Variants in KLK14 observed in about 807,000 individuals in gnomAD.
KLK14 encodes kallikrein-14.
KLK14 carries 21 observed loss-of-function variants against 24.6 expected under a neutral mutation model. The observed-to-expected ratio is 0.85, with a 90% CI of 0.61 to 1.23. The LOEUF is 1.23. KLK14 is among the 50% of genes most tolerant of loss of function. The pLI, the probability that KLK14 is intolerant of heterozygous loss-of-function variation, is 0.00. For missense variants in KLK14, 320 were observed against 338.9 expected (o/e 0.94, Z 0.44); for synonymous variants, 133 against 139.7 (o/e 0.95, Z 0.34).
chr19:51,082,398 C>T (rs948533079), intron 2 of KLK14, among the ~76,000 whole-genome samples, 177 bp downstream of exon 2: 1 of 152,110 alleles, frequency 6.6e-6, no homozygotes. Flanking sequence ...AATTCCCTAG[C>T]ACCTCCACAA....
Position 51,081,594 on chromosome 19 carries a change from G to C in KLK14, c.150C>G (p.Phe50Leu). Residue 50 changes from phenylalanine to leucine, a missense_variant, in exon 3 of 6, where the codon TTC (phenylalanine) becomes TTG (leucine). Transcript: ENST00000650543. Reference sequence around the variant, plus strand: ...CTGAAAGCAGGGCGCCTCCGCAGAGGAAGCGGCGCCTGGGACCCGCCAGCA... The same window carrying C: ...CTGAAAGCAGGGCGCCTCCGCAGAGCAAGCGGCGCCTGGGACCCGCCAGCA... ...AALLAGPRRR[F>L]LCGGALLSGQ... 1 of 1,550,322 alleles carries C rather than the reference G, an allele frequency of 6.5e-7. No individual in the cohort carries two copies. The highest frequency in any genetic ancestry group is 8.7e-7 in the Non-Finnish European group (1 of 1,146,210).
Position 51,081,920 on chromosome 19 carries a change from C to T in KLK14, c.41-217G>A, listed in dbSNP as rs144317248. On this transcript the variant is annotated intron_variant, in intron 2 of 5. Coordinates refer to ENST00000650543, the MANE Select transcript of KLK14 (RefSeq NM_001369775.2). ...TCTGACTCACCTCCCAAGTCACCTC[C>T]GTAGCATCTCTTATTTTGTGCCGTG... is the stretch of plus-strand genomic sequence containing the variant. Among the ~76,000 whole-genome samples the T allele has an allele frequency of 2.7e-3, 417 of 152,246 alleles. 4 individuals are homozygous for T. The highest frequency in any genetic ancestry group is 1.7e-3 in the East Asian group (9 of 5,178).
rs370532692 is a variant in KLK14, at chr19:51,081,633, C to G, written c.111G>C (p.Pro37=). Residue 37 remains proline (P), a synonymous_variant, in exon 3 of 6, where the codon CCG becomes CCC. Transcript: ENST00000650543. ...GGHTCTRSSQ[P]WQAALLAGPR... Reference sequence around the variant, plus strand: ...GACCCGCCAGCAGGGCCGCCTGCCACGGCTGGGAGCTCCGGGTGCACGTAT... The same window carrying G: ...GACCCGCCAGCAGGGCCGCCTGCCAGGGCTGGGAGCTCCGGGTGCACGTAT... The G allele has an allele frequency of 6.4e-7, 1 of 1,551,862 alleles. No homozygotes were observed. The highest frequency in any genetic ancestry group is 8.7e-7 in the Non-Finnish European group (1 of 1,147,100).
intron 1 of KLK14, 33 bp from the exon 2 acceptor site, chr19:51,082,669 G>A: frequency 1.2e-6 from 2 of 1,614,134 alleles, no homozygotes; most frequent in Non-Finnish European, 8.5e-7. Flanking sequence ...GAGAGAGAAG[G>A]AACCTTCAAC....
rs908753436 is a variant in KLK14, at chr19:51,081,681, A to T, written c.63T>A (p.Asp21Glu). The change falls in exon 3 of 6, where the codon GAT (aspartate) becomes GAA (glutamate). Residue 21 changes from aspartate (D) to glutamate (E), a missense_variant. Transcript: ENST00000650543. ...TATGGCCACCAATTATCTTGTTCTC[A>T]TCCTCTTGGCTCTGTGTCATGGCTA... is the stretch of plus-strand genomic sequence containing the variant. ...LAIAMTQSQE[D>E]ENKIIGGHTC... is the part of the protein sequence containing the mutation. 8.4e-6 allele frequency: 13 copies of T among 1,545,942 alleles called. No homozygotes were observed. The highest frequency in any genetic ancestry group is 8.2e-5 in the African/African-American group (6 of 73,028).
In KLK14 at chr19:51,079,399, C is replaced by A. The variant is rs768082967; in HGVS notation, c.466+50G>T. On this transcript the variant is annotated intron_variant, in intron 4 of 5. Transcript: ENST00000650543. The stretch of plus-strand genomic sequence containing the variant: ...CCCCCCAGCTCCACCTCCTGGAGAC[C>A]CAGGAGCCCAGGCCCAGTCCCCTGC... The A allele has an allele frequency of 1.2e-5, 19 of 1,530,856 alleles. No individual in the cohort carries two copies. The South Asian group carries it at 1.6e-4, about 13-fold the overall frequency. 94.8% of individuals were successfully genotyped at this position (1,530,856 alleles called of 1,614,324 possible). A position where few individuals can be genotyped will look rare whatever the true frequency, so the allele number is the denominator to read the frequency against.
Position 51,079,680 on chromosome 19 carries a change from T to C in KLK14, c.235A>G (p.Lys79Glu), listed in dbSNP as rs112710289. Residue 79 changes from lysine (K) to glutamate (E), a missense_variant, in exon 4 of 6, where the codon AAG becomes GAG. Coordinates refer to ENST00000650543, the MANE Select transcript of KLK14 (RefSeq NM_001369775.2). Reference protein sequence around the residue: ...GRPILQVALGKHNLRRWEATQ... With the variant: ...GRPILQVALGEHNLRRWEATQ... The stretch of plus-strand genomic sequence containing the variant: ...GCCTCCCACCTCCTCAGGTTGTGCT[T>C]GCCCAGGGCAACCTGAAGGATCCTG... 3.8e-6 allele frequency: 6 copies of C among 1,569,662 alleles called. No individual in the cohort carries two copies. Among genetic ancestry groups the C allele is most frequent in the African/African-American group, 2.7e-5 (2 of 74,018 alleles).
chr19:51,082,725 G>GGGC lies in KLK14; in HGVS notation c.-27_-26insGCC. The stretch of plus-strand genomic sequence containing the variant: ...AGAGACAGCAAGGGGCACTTACCCA[G>GGGC]AGCCCAAGACCCTCAGGGACATGAA... On this transcript the variant is annotated 5_prime_UTR_variant, in exon 1 of 6. Coordinates refer to ENST00000650543, the MANE Select transcript of KLK14 (RefSeq NM_001369775.2). 1 of 1,614,082 alleles carries GGGC rather than the reference G, an allele frequency of 6.2e-7. No homozygotes were observed.
chr19:51,083,506 G>C (rs2091853846), upstream of KLK14, among the ~76,000 whole-genome samples: 2 of 152,008 alleles, frequency 1.3e-5, no homozygotes, highest in Admixed American at 1.3e-4. Context: ...AAGAGACAGA[G>C]AGAGACTGGG....
chr19:51,080,904 C>T (rs2091835283), intron 3 of KLK14, among the ~76,000 whole-genome samples: 1 of 152,056 alleles, frequency 6.6e-6, no homozygotes, highest in Admixed American at 6.5e-5. Flanking sequence ...AACTCCTGAC[C>T]TCAGGTGATC....
In KLK14 at chr19:51,078,791, C is replaced by T; in HGVS notation, c.603+24G>A. 1 of 1,611,300 alleles carries T rather than the reference C, an allele frequency of 6.2e-7. No homozygotes were observed. The highest frequency in any genetic ancestry group is 8.5e-7 in the Non-Finnish European group (1 of 1,178,616). On this transcript the variant is annotated intron_variant, in intron 5 of 5. Coordinates refer to ENST00000650543, the MANE Select transcript of KLK14 (RefSeq NM_001369775.2). This position sits in a 1 kb window ranked among gnomAD's most constrained non-coding sequence, Gnocchi z 5.0. Reference sequence around the variant, plus strand: ...AATCCCAGTCCCAAATAATCCCTACCACAGCTCCCATCCTGGGCCTTACCT... The same window carrying T: ...AATCCCAGTCCCAAATAATCCCTACTACAGCTCCCATCCTGGGCCTTACCT...
At position 51,082,585 on chromosome 19, in the gene KLK14, G is replaced by A; in HGVS notation, c.30C>T (p.Val10=). MFLLLTALQ[V]LAIAMTQSQE... ...CAACCGTTCTCTTACCTATAGCCAG[G>A]ACTTGAAGTGCTGTCAGCAGGAGGA... Residue 10 remains valine (V), a synonymous_variant, in exon 2 of 6, where the codon GTC becomes GTT. Coordinates refer to ENST00000650543, the MANE Select transcript of KLK14 (RefSeq NM_001369775.2). 3 of 1,614,024 alleles carry A rather than the reference G, an allele frequency of 1.9e-6. No individual in the cohort carries two copies. In the South Asian group the frequency reaches 3.3e-5, roughly 18 times the overall value.
rs373819829 is a variant in KLK14 at position 51,078,495 on chromosome 19, GC to G, written c.603+319del. Reference sequence around the variant, plus strand: ...CAAGGATGCATTAAGATTTCTAGAAGCCTCAGCACAGCCTTTCCCAGACCCA... The same window carrying G: ...CAAGGATGCATTAAGATTTCTAGAAGCTCAGCACAGCCTTTCCCAGACCCA... On this transcript the variant is annotated intron_variant, in intron 5 of 5. Transcript: ENST00000650543. This position sits in a 1 kb window ranked among gnomAD's most constrained non-coding sequence, Gnocchi z 5.0. Among the ~76,000 whole-genome samples the G allele has an allele frequency of 1.6e-3, 249 of 152,260 alleles. 1 individual carries two copies. Among genetic ancestry groups the G allele is most frequent in the Middle Eastern group, 0.014 (4 of 294 alleles).
intron 3 of KLK14, among the ~76,000 whole-genome samples, chr19:51,079,949 G>A (rs936594650): frequency 8.5e-5 from 13 of 152,320 alleles, no homozygotes; most frequent in Admixed American, 2.6e-4. Context: ...TTGGGAAGAA[G>A]GTGATGATTG....
Position 51,082,716 on chromosome 19 carries a change from A to G in KLK14, c.-23+6T>C, listed in dbSNP as rs2122762559. The G allele has an allele frequency of 1.2e-6, 2 of 1,613,990 alleles. No homozygotes were observed. The highest frequency in any genetic ancestry group is 1.7e-5 in the Admixed American group (1 of 60,008). On this transcript the variant is annotated splice_donor_region_variant and intron_variant, in intron 1 of 5. Transcript: ENST00000650543. ...CTGAGAGGCAGAGACAGCAAGGGGC[A>G]CTTACCCAGAGCCCAAGACCCTCAG...
chr19:51,081,869 C>T (rs941739385), intron 2 of KLK14, among the ~76,000 whole-genome samples, 166 bp from the exon 3 acceptor site: 3 of 152,076 alleles, frequency 2.0e-5, no homozygotes, highest in Non-Finnish European at 2.9e-5. Context: ...ATATTGACCC[C>T]GTTATTGCCC....
rs942944581 is a variant in KLK14 at position 51,082,651 on chromosome 19, G to T, written c.-22-15C>A. 9 of 1,614,022 alleles carry T rather than the reference G, an allele frequency of 5.6e-6. No individual in the cohort carries two copies. The highest frequency in any genetic ancestry group is 7.6e-6 in the Non-Finnish European group (9 of 1,179,992). Reference sequence around the variant, plus strand: ...AGGGCCAGGTCCTGTCAAATGCAGAGAAAAAGTGAGAGAGAAGGAACCTTC... The same window carrying T: ...AGGGCCAGGTCCTGTCAAATGCAGATAAAAAGTGAGAGAGAAGGAACCTTC... On this transcript the variant is annotated splice_polypyrimidine_tract_variant and intron_variant, in intron 1 of 5. Transcript: ENST00000650543.
chr19:51,080,255 G>A (rs544898762), intron 3 of KLK14, among the ~76,000 whole-genome samples: 5 of 151,796 alleles, frequency 3.3e-5, no homozygotes, highest in Non-Finnish European at 7.4e-5. Flanking sequence ...GCTCACTCTC[G>A]ACCTCCAACT....
At chr19:51,079,790 C>T (rs994764029) in intron 3 of KLK14, 88 bp from the exon 4 acceptor site, 9 of 1,476,538 alleles carry the variant, frequency 6.1e-6, no homozygotes, top group African/African-American at 4.2e-5. Context: ...GGCCGGGTGA[C>T]GAGTCTTCCC....
Sources: gnomAD v4.1 joint callset for allele counts (sites outside exome capture counted in the v4.1 genomes callset) on GRCh38, gnomAD v4.1.1 for gene constraint, Gnocchi (gnomAD v3.1) non-coding constraint, MANE v1.5 for transcripts, NCBI Gene and HGNC (gene_info 2026-07-23, HGNC 2026-07-21) for gene names.